The following SOX5 variants were observed in gnomAD, a reference collection of about 807,000 sequenced individuals.
SOX5 encodes the protein transcription factor SOX-5.
In SOX5, 9 loss-of-function variants were observed where a neutral mutation model predicts 92.0. The ratio of observed to expected loss-of-function variants is 0.10; its 90% CI spans 0.06 to 0.17. SOX5 has a LOEUF of 0.17. Ranked by LOEUF, SOX5 falls within the 10% of genes least tolerant of loss-of-function variation. The pLI, the probability that SOX5 is intolerant of heterozygous loss-of-function variation, is 1.00. For missense variants in SOX5, 642 were observed against 944.5 expected (o/e 0.68, Z 4.20); for synonymous variants, 344 against 336.3 (o/e 1.02, Z -0.25).
chr12:24,162,757 G>T lies in SOX5; in HGVS notation c.-2+50586C>A, dbSNP rs143372868. 7.0e-4 allele frequency among the ~76,000 whole-genome samples: 107 copies of T among 152,164 alleles called. 1 individual carries two copies. Among genetic ancestry groups the T allele is most frequent in the Middle Eastern group, 3.4e-3 (1 of 294 alleles). ...CTCCCCTTTTCTCTCAAGGTTATGG[G>T]TTACCTATTTTGTCCTGTGGAATCT... On this transcript the variant is annotated intron_variant, in intron 4 of 4. Transcript: ENST00000446891.
chr12:24,288,970 C>T (rs938938601), intron 2 of SOX5, among the ~76,000 whole-genome samples: 16 of 151,882 alleles, frequency 1.1e-4, no homozygotes, highest in Non-Finnish European at 2.1e-4. Context: ...TCCTTAGATA[C>T]GTAACCACCT....
intron 2 of SOX5, among the ~76,000 whole-genome samples, chr12:24,318,950 C>A (rs1409751572): frequency 1.3e-5 from 2 of 152,164 alleles, no homozygotes; most frequent in South Asian, 2.1e-4. Flanking sequence ...ATTCCAAGGA[C>A]CCTCACCAGA....
intron 4 of SOX5, among the ~76,000 whole-genome samples, chr12:23,973,551 T>C (rs546793694): frequency 1.3e-5 from 2 of 152,282 alleles, no homozygotes; most frequent in South Asian, 2.1e-4. Context: ...AGAATTTCCA[T>C]CTTTTTAAAG....
At chr12:24,433,826 C>A (rs1596579571) in intron 1 of SOX5, among the ~76,000 whole-genome samples, 1 of 152,084 alleles carries the variant, frequency 6.6e-6, no homozygotes, top group Non-Finnish European at 1.5e-5. Flanking sequence ...AGAACTCTGA[C>A]AGTGCCATGG....
At chr12:24,387,677 C>A (rs576514583) in intron 1 of SOX5, among the ~76,000 whole-genome samples, 1 of 152,154 alleles carries the variant, frequency 6.6e-6, no homozygotes, top group Admixed American at 6.5e-5. Context: ...AATATTAAGG[C>A]CTTTTTACTG....
At chr12:23,618,901 C>T (rs934705181) in intron 8 of SOX5, among the ~76,000 whole-genome samples, 6 of 152,160 alleles carry the variant, frequency 3.9e-5, no homozygotes, top group African/African-American at 1.4e-4. Flanking sequence ...GGAATTTCCC[C>T]TGAACTCTGA....
chr12:23,918,642 T>C (rs1275047128), intron 1 of SOX5, among the ~76,000 whole-genome samples: 2 of 152,200 alleles, frequency 1.3e-5, no homozygotes, highest in East Asian at 3.9e-4. Flanking sequence ...ATAAGAAAAA[T>C]GGGCCGGGCG....
intron 13 of SOX5, among the ~76,000 whole-genome samples, chr12:23,539,006 C>T (rs1032431735): frequency 4.0e-5 from 6 of 151,642 alleles, no homozygotes; most frequent in Admixed American, 1.3e-4. Flanking sequence ...GGGGTTTCAC[C>T]GTGTTAGCCA....
At chr12:23,626,603 A>G (rs1397468093) in intron 8 of SOX5, among the ~76,000 whole-genome samples, 2 of 150,958 alleles carry the variant, frequency 1.3e-5, no homozygotes, top group South Asian at 2.1e-4. Context: ...ATGAATCAGG[A>G]AAGTCCACTC....
At chr12:23,804,815 G>A in intron 3 of SOX5, among the ~76,000 whole-genome samples, 1 of 150,306 alleles carries the variant, frequency 6.7e-6, no homozygotes, top group Non-Finnish European at 1.5e-5. Flanking sequence ...ACTCCATCAT[G>A]AAATAATCCA....
chr12:24,205,833 C>T (rs575219622), intron 4 of SOX5, among the ~76,000 whole-genome samples: 8 of 152,264 alleles, frequency 5.3e-5, no homozygotes, highest in African/African-American at 9.6e-5. Context: ...CTGTGGTTTA[C>T]GTACAAGCAT....
intron 1 of SOX5, among the ~76,000 whole-genome samples, chr12:23,914,922 C>T (rs911860816): frequency 6.6e-6 from 1 of 152,076 alleles, no homozygotes; most frequent in African/African-American, 2.4e-5. Flanking sequence ...ATTGTAAACT[C>T]TGAGCCAAAA....
At chr12:23,984,618 T>C (rs1949892911) in intron 4 of SOX5, among the ~76,000 whole-genome samples, 1 of 152,168 alleles carries the variant, frequency 6.6e-6, no homozygotes, top group Non-Finnish European at 1.5e-5. Context: ...GTATAATCTG[T>C]GTTCTTATTG....
rs374274439 is a variant in SOX5, at chr12:23,570,270, A to G, written c.1342+5391T>C. ...ACCCTGATAGGTAGACAATTTTTTT[A>G]TCTGTGAAAGCTCACCGGAATTAGA... On this transcript the variant is annotated intron_variant, in intron 10 of 14. Transcript: ENST00000451604. Among the ~76,000 whole-genome samples the G allele has an allele frequency of 1.2e-4, 18 of 152,222 alleles. No individual in the cohort carries two copies. In the East Asian group the frequency reaches 2.5e-3, roughly 21 times the overall value.
chr12:23,578,988 G>T (rs1406839323), intron 9 of SOX5, among the ~76,000 whole-genome samples: 1 of 152,162 alleles, frequency 6.6e-6, no homozygotes, highest in African/African-American at 2.4e-5. Context: ...AAAGAGAAAA[G>T]ACTGTATTCC....
At chr12:24,392,866 C>T (rs1265794910) in intron 1 of SOX5, among the ~76,000 whole-genome samples, 1 of 152,016 alleles carries the variant, frequency 6.6e-6, no homozygotes, top group Non-Finnish European at 1.5e-5. Flanking sequence ...TCCCTGTGGA[C>T]ACAGGGAGAA....
chr12:24,528,301 AT>A lies in SOX5; in HGVS notation c.-251+34027del, dbSNP rs977603720. Among the ~76,000 whole-genome samples, 475 of 151,758 alleles carry A rather than the reference AT, an allele frequency of 3.1e-3. 3 individuals are homozygous for A. The highest frequency in any genetic ancestry group is 0.011 in the African/African-American group (445 of 41,424). On this transcript the variant is annotated intron_variant, in intron 1 of 4. Transcript: ENST00000446891. ...CCTTTTATGGAAAATATAAACAGGAATTTTTTTTTCATGGCTGGAGGTCTTT... is the reference window on the plus strand; with the variant it reads ...CCTTTTATGGAAAATATAAACAGGAATTTTTTTTCATGGCTGGAGGTCTTT...
intron 3 of SOX5, among the ~76,000 whole-genome samples, chr12:23,759,010 A>AAC (rs761303900): frequency 0.12 from 12,837 of 107,828 alleles, 677 homozygotes; most frequent in Non-Finnish European, 0.15. Context: ...GGCAACACAA[A>AAC]ACACACACAC....
intron 4 of SOX5, among the ~76,000 whole-genome samples, chr12:24,026,165 CTT>C (rs1288630982): frequency 6.6e-6 from 1 of 151,986 alleles, no homozygotes; most frequent in Non-Finnish European, 1.5e-5. Context: ...CAGTTTGGCT[CTT>C]TTGCTTCCTA....
Sources: gnomAD v4.1 joint callset for allele counts (sites outside exome capture counted in the v4.1 genomes callset) on GRCh38, gnomAD v4.1.1 for gene constraint, MANE v1.5 for transcripts, NCBI Gene and HGNC (gene_info 2026-07-23, HGNC 2026-07-21) for gene names.